POU2F2: variants seen among roughly 807,000 people sequenced by gnomAD.
POU2F2 encodes the protein POU class 2 homeobox 2, also known as POU domain, class 2, transcription factor 2.
A neutral mutation model predicts 63.5 loss-of-function variants in POU2F2; 14 were observed. The ratio of observed to expected loss-of-function variants is 0.22; its 90% CI spans 0.15 to 0.34. The LOEUF (loss-of-function observed/expected upper bound fraction) is 0.34, where lower values mean the gene tolerates loss of function less well. Among genes scored for constraint, POU2F2 ranks in the 10% least tolerant of loss-of-function variants. POU2F2 has a pLI of 1.00. For missense variants in POU2F2, 607 were observed against 815.2 expected (o/e 0.74, Z 3.11); for synonymous variants, 306 against 348.6 (o/e 0.88, Z 1.36).
intron 5 of POU2F2, among the ~76,000 whole-genome samples, chr19:42,101,848 G>A (rs1262602220): frequency 6.6e-6 from 1 of 151,898 alleles, no homozygotes; most frequent in Non-Finnish European, 1.5e-5. Flanking sequence ...ATGGTGGTGG[G>A]TGCCTGTAAT....
intron 1 of POU2F2, among the ~76,000 whole-genome samples, chr19:42,181,753 A>G (rs2034963361): frequency 6.6e-6 from 1 of 151,776 alleles, no homozygotes; most frequent in Admixed American, 6.6e-5. Flanking sequence ...TGCCCAGCTA[A>G]TTTTTGTATT....
At position 42,107,165 on chromosome 19, in the gene POU2F2, T is replaced by C. The variant is rs112966468; in HGVS notation, c.370-7344A>G. On this transcript the variant is annotated intron_variant, in intron 5 of 14. Transcript: ENST00000692977. ...GAGTTTGAGACCAGCCTGGCCAACA[T>C]GGTGGAACCCCATCTCTACCAAAAA... Among the ~76,000 whole-genome samples, 399 of 152,194 alleles carry C rather than the reference T, an allele frequency of 2.6e-3. 6 individuals are homozygous for C. The highest frequency in any genetic ancestry group is 9.1e-3 in the African/African-American group (376 of 41,510).
chr19:42,091,236 G>A lies in POU2F2; in HGVS notation c.*21C>T. On this transcript the variant is annotated 3_prime_UTR_variant, in exon 15 of 15. Coordinates refer to ENST00000692977, the MANE Select transcript of POU2F2 (RefSeq NM_001394376.1). ...ACCAAGGCAGGGACCAGAGGAATGG[G>A]AGGGGAGGCATGGCTGGCCCTCACT... 6.6e-7 allele frequency: 1 copy of A among 1,518,234 alleles called. No homozygotes were observed. Among genetic ancestry groups the A allele is most frequent in the South Asian group, 1.2e-5 (1 of 81,604 alleles). 94.0% of individuals were successfully genotyped at this position (1,518,234 alleles called of 1,614,324 possible).
intron 1 of POU2F2, among the ~76,000 whole-genome samples, chr19:42,175,477 GA>G (rs1377256319): frequency 1.5e-4 from 23 of 151,916 alleles, no homozygotes; most frequent in Admixed American, 8.5e-4. Context: ...AAGAAAGGGG[GA>G]AAGGGGGAAG....
At chr19:42,180,537 C>T (rs2146814416), upstream of POU2F2, among the ~76,000 whole-genome samples, 1 of 152,234 alleles carries the variant, frequency 6.6e-6, no homozygotes, top group East Asian at 1.9e-4. Flanking sequence ...GCCTGAGTAC[C>T]TACTAGAAGG....
chr19:42,130,078 TCACACTGAGTGA>T (rs1181168000), intron 1 of POU2F2, among the ~76,000 whole-genome samples: 1 of 151,884 alleles, frequency 6.6e-6, no homozygotes, highest in Non-Finnish European at 1.5e-5. Context: ...ACACACACTC[TCACACTGAGTGA>T]CACACAGCCA....
intron 2 of POU2F2, among the ~76,000 whole-genome samples, chr19:42,147,290 C>T (rs1481285651): frequency 6.6e-6 from 1 of 152,178 alleles, no homozygotes; most frequent in African/African-American, 2.4e-5. Flanking sequence ...CTTTGCAACC[C>T]CAGGCCCTTC....
chr19:42,122,030 G>T, intron 4 of POU2F2, 96 bp downstream of exon 4: 1 of 1,293,580 alleles, frequency 7.7e-7, no homozygotes, highest in Admixed American at 1.7e-5. Context: ...AGGTACCAAG[G>T]CTCAGTGCTC....
At chr19:42,100,737 C>A (rs1335953709) in intron 5 of POU2F2, among the ~76,000 whole-genome samples, 1 of 151,932 alleles carries the variant, frequency 6.6e-6, no homozygotes, top group East Asian at 1.9e-4. Context: ...GGTGACAGAG[C>A]AAGACTCTGT....
intron 1 of POU2F2, among the ~76,000 whole-genome samples, chr19:42,188,259 A>G (rs1048564546): frequency 6.6e-6 from 1 of 151,644 alleles, no homozygotes; most frequent in South Asian, 2.1e-4. Context: ...CCAGATACTC[A>G]GGAGGCTGAG....
At chr19:42,192,811 A>G (rs1358810505) in intron 1 of POU2F2, among the ~76,000 whole-genome samples, 1 of 152,188 alleles carries the variant, frequency 6.6e-6, no homozygotes, top group Non-Finnish European at 1.5e-5. Flanking sequence ...AGCATCTGAC[A>G]ACACATAGTA....
chr19:42,116,021 G>C (rs934054663), intron 5 of POU2F2, among the ~76,000 whole-genome samples: 1 of 152,190 alleles, frequency 6.6e-6, no homozygotes, highest in African/African-American at 2.4e-5. Context: ...AGCCAGAAGA[G>C]GCAATGACAG....
At chr19:42,187,733 G>A (rs1332963040) in intron 1 of POU2F2, among the ~76,000 whole-genome samples, 2 of 144,332 alleles carry the variant, frequency 1.4e-5, no homozygotes, top group African/African-American at 2.6e-5. Flanking sequence ...CTGCATTCCG[G>A]TCTGACCGAC....
rs900073148 is a variant in POU2F2, at chr19:42,153,061, C to A, written c.-9+7271G>T. On this transcript the variant is annotated intron_variant, in intron 2 of 6. Coordinates refer to the POU2F2 transcript ENST00000524801. This position sits in a 1 kb window ranked among gnomAD's most constrained non-coding sequence, Gnocchi z 5.6. ...TGGCTGCCCCGCCTTTGGGTCCCTG[C>A]GGGTAGAAGTTGCCTTGGCCTCACC... Among the ~76,000 whole-genome samples the A allele has an allele frequency of 5.3e-5, 8 of 152,186 alleles. No individual in the cohort carries two copies. Among genetic ancestry groups the A allele is most frequent in the Non-Finnish European group, 8.8e-5 (6 of 68,018 alleles).
intron 2 of POU2F2, among the ~76,000 whole-genome samples, chr19:42,146,199 C>A (rs550353541): frequency 1.3e-5 from 2 of 152,178 alleles, no homozygotes; most frequent in Non-Finnish European, 2.9e-5. Context: ...AACACTGATG[C>A]CCAGCAAAGT....
At chr19:42,116,195 A>G (rs1370002448) in intron 5 of POU2F2, among the ~76,000 whole-genome samples, 1 of 152,200 alleles carries the variant, frequency 6.6e-6, no homozygotes, top group African/African-American at 2.4e-5. Flanking sequence ...ATGATTAACT[A>G]TGGACCAGCA....
intron 14 of POU2F2, 58 bp downstream of exon 14, chr19:42,091,809 C>T (rs1233680572): frequency 1.3e-6 from 2 of 1,542,260 alleles, no homozygotes; most frequent in Admixed American, 3.9e-5. Flanking sequence ...AATGGCAGGG[C>T]TCGAGGCCCC....
At chr19:42,171,531 G>T (rs1037322498) in intron 1 of POU2F2, among the ~76,000 whole-genome samples, 1 of 151,894 alleles carries the variant, frequency 6.6e-6, no homozygotes, top group Admixed American at 6.6e-5. Context: ...GGCCATGAGG[G>T]GCCGTGTCTG....
At chr19:42,098,574 G>C (rs775694467) in intron 7 of POU2F2, among the ~76,000 whole-genome samples, 11 of 152,080 alleles carry the variant, frequency 7.2e-5, no homozygotes, top group Non-Finnish European at 1.5e-4. Context: ...GAGGGACAAA[G>C]AAAAGTCATA....
Sources: gnomAD v4.1 joint callset for allele counts (sites outside exome capture counted in the v4.1 genomes callset) on GRCh38, gnomAD v4.1.1 for gene constraint, Gnocchi (gnomAD v3.1) non-coding constraint, MANE v1.5 for transcripts, NCBI Gene and HGNC (gene_info 2026-07-23, HGNC 2026-07-21) for gene names.